The following CEP112 variants were observed in gnomAD, a reference collection of about 807,000 sequenced individuals.
The protein encoded by CEP112 is centrosomal protein 112, also known as centrosomal protein of 112 kDa.
In CEP112, 127 loss-of-function variants were observed where a neutral mutation model predicts 153.0. The ratio of observed to expected loss-of-function variants is 0.83; its 90% CI spans 0.72 to 0.96. CEP112 has a LOEUF of 0.96. Ranked by LOEUF, CEP112 falls within the 40% of genes least tolerant of loss-of-function variation. The probability of loss-of-function intolerance (pLI) is 0.00; values close to 1 mark genes in which losing one functional copy is unlikely to be tolerated. For missense variants in CEP112, 1,089 were observed against 1,101.2 expected (o/e 0.99, Z 0.16); for synonymous variants, 358 against 374.4 (o/e 0.96, Z 0.51).
intron 21 of CEP112, among the ~76,000 whole-genome samples, chr17:65,771,154 A>T (rs572286793): frequency 2.5e-4 from 38 of 152,180 alleles, no homozygotes; most frequent in African/African-American, 7.9e-4. Flanking sequence ...AAAATCTTTT[A>T]AAAAAGGTTA....
At chr17:66,034,790 A>G (rs945480560) in intron 12 of CEP112, among the ~76,000 whole-genome samples, 1 of 150,818 alleles carries the variant, frequency 6.6e-6, no homozygotes, top group African/African-American at 2.4e-5. Context: ...GTGAACTTGA[A>G]TTTTTTTTGT....
intron 21 of CEP112, among the ~76,000 whole-genome samples, chr17:65,836,498 A>G (rs2057311148): frequency 6.6e-6 from 1 of 152,250 alleles, no homozygotes; most frequent in Admixed American, 6.5e-5. Context: ...AGTTACACTT[A>G]TATTAGTTTA....
chr17:66,124,849 T>C (rs2069768191), intron 6 of CEP112, among the ~76,000 whole-genome samples: 1 of 152,312 alleles, frequency 6.6e-6, no homozygotes, highest in South Asian at 2.1e-4. Flanking sequence ...TTGTATTTTG[T>C]CCAGAATTCT....
In CEP112 at chr17:66,027,177, G is replaced by C. The variant is rs187385112; in HGVS notation, c.1656+324C>G. Reference sequence around the variant, plus strand: ...GGATCACTTGAGGCCAGGAATTCCAGACCAACCTGGCCAAAATGGTGAAAC... The same window carrying C: ...GGATCACTTGAGGCCAGGAATTCCACACCAACCTGGCCAAAATGGTGAAAC... On this transcript the variant is annotated intron_variant, in intron 16 of 26. Coordinates refer to ENST00000535342, the MANE Select transcript of CEP112 (RefSeq NM_001199165.4). 1.1e-3 allele frequency among the ~76,000 whole-genome samples: 174 copies of C among 152,290 alleles called. 1 individual carries two copies. Among genetic ancestry groups the C allele is most frequent in the Middle Eastern group, 3.4e-3 (1 of 294 alleles).
intron 20 of CEP112, among the ~76,000 whole-genome samples, chr17:65,877,670 C>T (rs181460289): frequency 6.6e-6 from 1 of 152,084 alleles, no homozygotes; most frequent in African/African-American, 2.4e-5. Context: ...TATGTAAAAA[C>T]CCTATGTAAG....
intron 21 of CEP112, among the ~76,000 whole-genome samples, chr17:65,805,586 C>G (rs927295490): frequency 6.6e-6 from 1 of 152,132 alleles, no homozygotes; most frequent in African/African-American, 2.4e-5. Flanking sequence ...GAAAAATATC[C>G]TTCAAAATGG....
At chr17:65,798,492 T>G (rs1467038227) in intron 21 of CEP112, among the ~76,000 whole-genome samples, 1 of 152,150 alleles carries the variant, frequency 6.6e-6, no homozygotes, top group African/African-American at 2.4e-5. Context: ...GTGGTTATTT[T>G]AAAAGACTGA....
rs890343591 is a variant in CEP112, at chr17:65,927,580, A to C, written c.1980+2T>G. 2 of 1,553,510 alleles carry C rather than the reference A, an allele frequency of 1.3e-6. No homozygotes were observed. Among genetic ancestry groups the C allele is most frequent in the Non-Finnish European group, 1.7e-6 (2 of 1,147,600 alleles). The stretch of plus-strand genomic sequence containing the variant: ...ATGGCAGCATCAAAATGAAAGACCA[A>C]CCTGTTGTTCATACCGCTGTCTGAT... On this transcript the variant is annotated splice_donor_variant, in intron 19 of 26. Transcript: ENST00000535342. LOFTEE classifies it high-confidence loss of function.
intron 6 of CEP112, 110 bp downstream of exon 6, chr17:66,129,636 T>C: frequency 1.1e-5 from 8 of 726,460 alleles, no homozygotes; most frequent in South Asian, 4.1e-5. Flanking sequence ...CAGTAACATA[T>C]GTCTAACATC....
intron 19 of CEP112, among the ~76,000 whole-genome samples, chr17:65,927,224 G>C (rs542147710): frequency 6.6e-6 from 1 of 152,142 alleles, no homozygotes; most frequent in South Asian, 2.1e-4. Context: ...GCTTCCTTCT[G>C]CCATGATTGG....
intron 6 of CEP112, among the ~76,000 whole-genome samples, chr17:66,108,411 T>C (rs1160529889): frequency 6.6e-6 from 1 of 151,804 alleles, no homozygotes; most frequent in Non-Finnish European, 1.5e-5. Flanking sequence ...CAAACAACTC[T>C]ATAGGAAAAA....
intron 21 of CEP112, among the ~76,000 whole-genome samples, chr17:65,842,064 A>T (rs944322069): frequency 6.6e-6 from 1 of 151,990 alleles, no homozygotes; most frequent in Non-Finnish European, 1.5e-5. Context: ...TGCTGTATTG[A>T]TCTAAGGCAT....
intron 6 of CEP112, among the ~76,000 whole-genome samples, chr17:66,121,581 A>G (rs2069593348): frequency 6.6e-6 from 1 of 151,926 alleles, no homozygotes; most frequent in South Asian, 2.1e-4. Context: ...CATAATCTCT[A>G]TCAATCTATC....
intron 6 of CEP112, among the ~76,000 whole-genome samples, chr17:66,116,863 C>CTTT (rs35885142): frequency 3.8e-4 from 45 of 119,198 alleles, no homozygotes; most frequent in Admixed American, 6.2e-4. Context: ...CTCCAATCTC[C>CTTT]TTTTTTTTTT....
At chr17:66,169,400 C>A (rs111764004) in intron 4 of CEP112, among the ~76,000 whole-genome samples, 1 of 150,920 alleles carries the variant, frequency 6.6e-6, no homozygotes, top group African/African-American at 2.4e-5. Context: ...TCTCCTGCCT[C>A]GGCCTCCCGA....
chr17:65,698,452 A>T (rs1037013586), intron 23 of CEP112, among the ~76,000 whole-genome samples: 2 of 152,198 alleles, frequency 1.3e-5, no homozygotes, highest in African/African-American at 4.8e-5. Context: ...AGGTCTTAAA[A>T]ATGCACTTTT....
chr17:65,730,754 T>A (rs2050458416), intron 23 of CEP112, among the ~76,000 whole-genome samples: 1 of 149,582 alleles, frequency 6.7e-6, no homozygotes, highest in South Asian at 2.2e-4. Context: ...TATGAAATAT[T>A]CTACAACCCC....
intron 20 of CEP112, among the ~76,000 whole-genome samples, chr17:65,881,344 A>T (rs1000468998): frequency 3.3e-5 from 5 of 152,106 alleles, no homozygotes; most frequent in African/African-American, 9.7e-5. Flanking sequence ...CATCATTTTT[A>T]TGAGAACAGG....
At chr17:66,070,428 CTAAT>C (rs1359491320) in intron 8 of CEP112, among the ~76,000 whole-genome samples, 2 of 151,872 alleles carry the variant, frequency 1.3e-5, no homozygotes, top group African/African-American at 4.8e-5. Context: ...TTAAAATACT[CTAAT>C]TAACCTACAT....
Sources: gnomAD v4.1 joint callset for allele counts (sites outside exome capture counted in the v4.1 genomes callset) on GRCh38, gnomAD v4.1.1 for gene constraint, MANE v1.5 for transcripts, NCBI Gene and HGNC (gene_info 2026-07-23, HGNC 2026-07-21) for gene names.